Variants in ALK observed in about 807,000 individuals in gnomAD.
ALK encodes ALK tyrosine kinase receptor.
In ALK, 74 loss-of-function variants were observed where a neutral mutation model predicts 163.1. That is an observed-to-expected ratio of 0.45 (90% CI 0.38 to 0.55). The LOEUF (loss-of-function observed/expected upper bound fraction) is 0.55, where lower values mean the gene tolerates loss of function less well. ALK is among the 20% of genes least tolerant of loss of function. The pLI, the probability that ALK is intolerant of heterozygous loss-of-function variation, is 0.00. For missense variants in ALK, 2,063 were observed against 2,105.3 expected, an observed-to-expected ratio of 0.98 and a Z score of 0.39; for synonymous variants, 960 against 843.2, an observed-to-expected ratio of 1.14 and a Z score of -2.40.
intron 4 of ALK, among the ~76,000 whole-genome samples, chr2:29,389,864 G>A (rs1669119819): frequency 1.3e-5 from 2 of 152,126 alleles, no homozygotes; most frequent in African/African-American, 2.4e-5. Flanking sequence ...TGCCAAGAGC[G>A]AATCAGAAGG....
rs547314640 is a variant in ALK at position 29,770,836 on chromosome 2, C to T, written c.668-53139G>A. Among the ~76,000 whole-genome samples the T allele has an allele frequency of 1.7e-4, 26 of 152,162 alleles. No individual in the cohort carries two copies. In the South Asian group the frequency reaches 3.1e-3, roughly 18 times the overall value. On this transcript the variant is annotated intron_variant, in intron 1 of 28. Coordinates refer to ENST00000389048, the MANE Select transcript of ALK (RefSeq NM_004304.5). ...TAATGAGAGTGCCAGAAAGAGAACA[C>T]GCACAGACACACAGTCACACACACA... is the stretch of plus-strand genomic sequence containing the variant.
At chr2:29,261,907 T>C (rs1345803439) in intron 11 of ALK, among the ~76,000 whole-genome samples, 1 of 152,242 alleles carries the variant, frequency 6.6e-6, no homozygotes. Flanking sequence ...AGAAAATCTT[T>C]ATGTCACAGT....
At chr2:29,917,323 T>C (rs963519771) in intron 1 of ALK, among the ~76,000 whole-genome samples, 2 of 152,234 alleles carry the variant, frequency 1.3e-5, no homozygotes, top group Non-Finnish European at 2.9e-5. Context: ...TAAGCTGAGC[T>C]GTGCCTACTT....
intron 1 of ALK, among the ~76,000 whole-genome samples, chr2:29,914,885 T>C (rs1164490242): frequency 6.6e-6 from 1 of 152,326 alleles, no homozygotes; most frequent in East Asian, 1.9e-4. Flanking sequence ...GTATGAAAGT[T>C]TCCAGGTGTA....
intron 1 of ALK, among the ~76,000 whole-genome samples, chr2:29,785,668 C>A (rs1663990375): frequency 6.6e-6 from 1 of 152,042 alleles, no homozygotes; most frequent in Non-Finnish European, 1.5e-5. Flanking sequence ...AAGGCTGAGA[C>A]CAAGAAAGAA....
chr2:29,581,419 G>T (rs1005279846), intron 3 of ALK, among the ~76,000 whole-genome samples: 9 of 151,248 alleles, frequency 6.0e-5, no homozygotes, highest in Non-Finnish European at 1.2e-4. Flanking sequence ...AAGAGTCAAA[G>T]CATGAGCAGA....
chr2:29,840,966 CT>C (rs773132174), intron 1 of ALK, among the ~76,000 whole-genome samples: 8 of 152,166 alleles, frequency 5.3e-5, no homozygotes, highest in Non-Finnish European at 1.2e-4. Flanking sequence ...CCTCACTATA[CT>C]GTCTTAACTC....
intron 12 of ALK, among the ~76,000 whole-genome samples, chr2:29,247,015 C>T (rs990482683): frequency 1.3e-5 from 2 of 152,248 alleles, no homozygotes; most frequent in African/African-American, 4.8e-5. Flanking sequence ...AGGCTCTGGC[C>T]ACCCGCTTTT....
intron 4 of ALK, among the ~76,000 whole-genome samples, chr2:29,492,852 T>A (rs949362184): frequency 2.0e-5 from 3 of 152,114 alleles, no homozygotes; most frequent in African/African-American, 4.8e-5. Context: ...TTGGCAAAGA[T>A]CCTTGAACAA....
intron 8 of ALK, among the ~76,000 whole-genome samples, chr2:29,302,492 TGG>T (rs1051712142): frequency 2.6e-5 from 4 of 152,124 alleles, no homozygotes; most frequent in African/African-American, 9.7e-5. Flanking sequence ...CACTCCAGCC[TGG>T]GGGACAAGAG....
At chr2:29,858,664 AC>A (rs1486769993) in intron 1 of ALK, among the ~76,000 whole-genome samples, 4 of 152,008 alleles carry the variant, frequency 2.6e-5, no homozygotes, top group Admixed American at 6.6e-5. Context: ...ACTTGCTTGA[AC>A]CCAGAAGGTG....
At chr2:29,599,455 G>A (rs1675315192) in intron 3 of ALK, among the ~76,000 whole-genome samples, 1 of 152,210 alleles carries the variant, frequency 6.6e-6, no homozygotes, top group Non-Finnish European at 1.5e-5. Context: ...GAAGGGAGGA[G>A]GCTTGAATTG....
At chr2:29,854,588 C>T (rs984013432) in intron 1 of ALK, among the ~76,000 whole-genome samples, 7 of 152,152 alleles carry the variant, frequency 4.6e-5, no homozygotes, top group African/African-American at 1.4e-4. Flanking sequence ...TTACCAGTTA[C>T]CCAGCCTTGG....
chr2:29,208,339 AC>A (rs1294264001), intron 25 of ALK, among the ~76,000 whole-genome samples: 1 of 152,164 alleles, frequency 6.6e-6, no homozygotes, highest in African/African-American at 2.4e-5. Flanking sequence ...ACTGTAGGTA[AC>A]TTAGGGTGGT....
chr2:29,744,259 G>T (rs1292196280), intron 1 of ALK, among the ~76,000 whole-genome samples: 1 of 152,150 alleles, frequency 6.6e-6, no homozygotes. Flanking sequence ...ATGGTACAGT[G>T]TCCTTCCTAA....
chr2:29,902,053 G>A (rs1397680163), intron 1 of ALK, among the ~76,000 whole-genome samples: 2 of 152,110 alleles, frequency 1.3e-5, no homozygotes, highest in African/African-American at 4.8e-5. Flanking sequence ...TCTAAGCAAA[G>A]CACATAATTT....
At chr2:29,520,179 C>T (rs1013353370) in intron 4 of ALK, among the ~76,000 whole-genome samples, 3 of 152,132 alleles carry the variant, frequency 2.0e-5, no homozygotes, top group Admixed American at 6.5e-5. Context: ...AGCATTTGCT[C>T]GGCAGTGTAG....
chr2:29,797,858 T>C (rs1664361024), intron 1 of ALK, among the ~76,000 whole-genome samples: 1 of 152,174 alleles, frequency 6.6e-6, no homozygotes, highest in Non-Finnish European at 1.5e-5. Flanking sequence ...TTTATTCATT[T>C]ACTCATTGAC....
At chr2:29,590,172 A>G (rs1466126670) in intron 3 of ALK, among the ~76,000 whole-genome samples, 1 of 152,230 alleles carries the variant, frequency 6.6e-6, no homozygotes, top group East Asian at 1.9e-4. Flanking sequence ...ACTAAGAAGA[A>G]CAAATAAATT....
Sources: gnomAD v4.1 joint callset for allele counts (sites outside exome capture counted in the v4.1 genomes callset) on GRCh38, gnomAD v4.1.1 for gene constraint, MANE v1.5 for transcripts, NCBI Gene and HGNC (gene_info 2026-07-23, HGNC 2026-07-21) for gene names.